Variants in CADPS observed in about 807,000 individuals in gnomAD.
The protein encoded by CADPS is calcium dependent secretion activator, also known as calcium-dependent secretion activator 1.
Under a neutral mutation model 167.3 loss-of-function variants are expected in CADPS, and 57 were observed. The ratio of observed to expected loss-of-function variants is 0.34; its 90% confidence interval spans 0.28 to 0.42. The LOEUF is 0.42. Among genes scored for constraint, CADPS ranks in the 20% least tolerant of loss-of-function variants. CADPS has a pLI of 1.00. For synonymous variants in CADPS, 676 were observed against 635.3 expected (o/e 1.06, Z -0.96); for missense variants, 1,414 against 1,738.1 (o/e 0.81, Z 3.32).
rs946118609 is a variant in CADPS, at chr3:62,455,816, G to C, written c.3636+9551C>G. The stretch of plus-strand genomic sequence containing the variant: ...TGGCTTTGGTGCTGAGCAAGTGAGG[G>C]CTATATTGTTGTTACTGAATAGTAA... On this transcript the variant is annotated intron_variant, in intron 26 of 29. Transcript: ENST00000383710. The surrounding 1 kb of genome is among the most constrained non-coding windows in gnomAD (Gnocchi z 4.4). Among the ~76,000 whole-genome samples, 1 of 152,168 alleles carries C rather than the reference G, an allele frequency of 6.6e-6. No individual in the cohort carries two copies. Among genetic ancestry groups the C allele is most frequent in the Admixed American group, 6.5e-5 (1 of 15,278 alleles).
At chr3:62,702,688 C>T (rs1040194638) in intron 3 of CADPS, among the ~76,000 whole-genome samples, 1 of 152,112 alleles carries the variant, frequency 6.6e-6, no homozygotes, top group African/African-American at 2.4e-5. Context: ...CATGTTTTAT[C>T]TGCCTTCTTC....
chr3:62,767,997 C>A (rs2087381876), intron 1 of CADPS, among the ~76,000 whole-genome samples: 1 of 152,182 alleles, frequency 6.6e-6, no homozygotes, highest in Non-Finnish European at 1.5e-5. Context: ...AGGAGTTCAA[C>A]AGCCACATGT....
intron 3 of CADPS, among the ~76,000 whole-genome samples, chr3:62,677,478 G>A (rs2076503908): frequency 6.6e-6 from 1 of 152,088 alleles, no homozygotes; most frequent in Non-Finnish European, 1.5e-5. Flanking sequence ...AAAGTCTAGA[G>A]ACATTTTTCG....
chr3:62,663,853 C>T (rs1181481691), intron 3 of CADPS, among the ~76,000 whole-genome samples: 1 of 152,158 alleles, frequency 6.6e-6, no homozygotes, highest in Non-Finnish European at 1.5e-5. Context: ...CCCCTTTCCA[C>T]AGTTTGGGAG....
chr3:62,639,942 A>G (rs2067095600), intron 6 of CADPS, among the ~76,000 whole-genome samples: 1 of 152,082 alleles, frequency 6.6e-6, no homozygotes, highest in South Asian at 2.1e-4. Flanking sequence ...TTTCTATCAC[A>G]GCAGCCTGCT....
intron 27 of CADPS, among the ~76,000 whole-genome samples, chr3:62,442,938 A>G (rs2056601026): frequency 6.6e-6 from 1 of 152,230 alleles, no homozygotes; most frequent in African/African-American, 2.4e-5. Context: ...TGTATTATGT[A>G]CTATTGTTTT....
chr3:62,808,015 G>A (rs1451497234), intron 1 of CADPS, among the ~76,000 whole-genome samples: 3 of 151,448 alleles, frequency 2.0e-5, no homozygotes, highest in African/African-American at 4.9e-5. Flanking sequence ...CTGGGACTAC[G>A]GGCGCACATC....
chr3:62,597,283 G>T (rs1003598561), intron 6 of CADPS, among the ~76,000 whole-genome samples: 3 of 152,158 alleles, frequency 2.0e-5, no homozygotes, highest in Non-Finnish European at 4.4e-5. Flanking sequence ...GGACTTTGAG[G>T]TTACTGTGAG....
intron 3 of CADPS, among the ~76,000 whole-genome samples, chr3:62,700,608 A>G (rs1000947779): frequency 6.6e-6 from 1 of 152,120 alleles, no homozygotes; most frequent in Admixed American, 6.6e-5. Flanking sequence ...TGAGAACTCT[A>G]GAGCTGACAC....
chr3:62,763,035 T>C (rs1354113827), intron 2 of CADPS, among the ~76,000 whole-genome samples: 3 of 152,090 alleles, frequency 2.0e-5, no homozygotes, highest in African/African-American at 7.2e-5. Flanking sequence ...ATATTCCCCG[T>C]TTTGGTAAAA....
At position 62,455,089 on chromosome 3, in the gene CADPS, C is replaced by T. The variant is rs76364029; in HGVS notation, c.3637-9292G>A. On this transcript the variant is annotated intron_variant, in intron 26 of 29. Transcript: ENST00000383710. This position sits in a 1 kb window ranked among gnomAD's most constrained non-coding sequence, Gnocchi z 4.4. ...TCCTGTTGTTCAGGGTACTGTGCTC[C>T]GAGACTAGATCCAGGAAGTGTATGT... 0.019 allele frequency among the ~76,000 whole-genome samples: 2,895 copies of T among 151,644 alleles called. 53 individuals are homozygous for T. Among genetic ancestry groups the T allele is most frequent in the Non-Finnish European group, 0.028 (1,922 of 67,860 alleles).
intron 1 of CADPS, among the ~76,000 whole-genome samples, chr3:62,843,018 A>G (rs1260565746): frequency 1.3e-5 from 2 of 152,206 alleles, no homozygotes; most frequent in African/African-American, 4.8e-5. Context: ...GTTTAAAATA[A>G]AAATGATGAT....
intron 13 of CADPS, among the ~76,000 whole-genome samples, chr3:62,532,511 C>G (rs1357131414): frequency 6.6e-6 from 1 of 152,136 alleles, no homozygotes; most frequent in African/African-American, 2.4e-5. Flanking sequence ...CTTGCATTCT[C>G]TCAACAACCC....
At chr3:62,643,794 C>T (rs997978257) in intron 6 of CADPS, among the ~76,000 whole-genome samples, 8 of 152,132 alleles carry the variant, frequency 5.3e-5, no homozygotes, top group South Asian at 2.1e-4. Flanking sequence ...GCCAGAAACA[C>T]GAAATAGGTT....
intron 21 of CADPS, among the ~76,000 whole-genome samples, chr3:62,487,567 A>G (rs1467587122): frequency 6.6e-6 from 1 of 152,208 alleles, no homozygotes; most frequent in Non-Finnish European, 1.5e-5. Context: ...TTGTCCACCA[A>G]TTCATAGAGA....
rs1161323815 is a variant in CADPS, at chr3:62,532,871, C to T, written c.2291G>A (p.Arg764Lys). Residue 764 changes from arginine to lysine, a missense_variant and splice_region_variant, in exon 13 of 30, where the codon AGG (arginine) becomes AAG (lysine). Arg to Lys is a conservative substitution (Grantham distance 26). Coordinates refer to ENST00000383710, the MANE Select transcript of CADPS (RefSeq NM_003716.4). Reference sequence around the variant, plus strand: ...TCTAGACACACGAACACACACTTACCTGTTCCCATGGACATGGGATGCACA... The same window carrying T: ...TCTAGACACACGAACACACACTTACTTGTTCCCATGGACATGGGATGCACA... Reference protein sequence around the residue: ...AFCASHVHGNRPDGIGTVTVE... With the variant: ...AFCASHVHGNKPDGIGTVTVE... The T allele has an allele frequency of 3.1e-6, 5 of 1,613,206 alleles. No homozygotes were observed. The highest frequency in any genetic ancestry group is 1.7e-5 in the Admixed American group (1 of 59,972).
intron 4 of CADPS, among the ~76,000 whole-genome samples, chr3:62,660,254 G>A (rs573639742): frequency 6.6e-6 from 1 of 152,288 alleles, no homozygotes; most frequent in Non-Finnish European, 1.5e-5. Context: ...ATTTAGATGG[G>A]ATGAATACTT....
chr3:62,619,721 T>C (rs1023059268), intron 6 of CADPS, among the ~76,000 whole-genome samples: 4 of 152,152 alleles, frequency 2.6e-5, no homozygotes, highest in African/African-American at 9.7e-5. Flanking sequence ...TTGGAATACT[T>C]GGAAATTACA....
chr3:62,416,138 A>C (rs899365998), intron 28 of CADPS, among the ~76,000 whole-genome samples: 2 of 152,200 alleles, frequency 1.3e-5, no homozygotes, highest in South Asian at 2.1e-4. Context: ...AGTTGAGGGC[A>C]GGAGATTAAG....
Sources: allele counts gnomAD v4.1 joint callset (sites outside exome capture counted in the v4.1 genomes callset), GRCh38; gene constraint gnomAD v4.1.1; non-coding constraint Gnocchi (gnomAD v3.1); transcripts MANE v1.5; gene names NCBI Gene and HGNC (gene_info 2026-07-23, HGNC 2026-07-21).